The following METTL9 variants were observed in gnomAD, a reference collection of about 807,000 sequenced individuals.
METTL9 encodes methyltransferase 9, His-X-His N1(pi)-histidine.
METTL9 carries 10 observed loss-of-function variants against 36.0 expected under a neutral mutation model. The ratio of observed to expected loss-of-function variants is 0.28; its 90% confidence interval spans 0.17 to 0.47. The LOEUF (loss-of-function observed/expected upper bound fraction) is 0.47. METTL9 is among the 20% of genes least tolerant of loss of function. METTL9 has a pLI of 0.99. For synonymous variants in METTL9, 175 were observed against 149.7 expected (o/e 1.17, Z -1.23); for missense variants, 246 against 383.5 (o/e 0.64, Z 3.00).
rs1265362968 is a variant in METTL9 at position 21,644,266 on chromosome 16, T to G, written c.752-10961T>G. ...ATAATATTCAAGGATATAGGGACAT[T>G]CCATGCAAGAGGATTTGACTTACTT... On this transcript the variant is annotated intron_variant, in intron 4 of 4. Coordinates refer to ENST00000358154, the MANE Select transcript of METTL9 (RefSeq NM_016025.5). The G allele has an allele frequency of 2.7e-6, 4 of 1,470,076 alleles. No individual in the cohort carries two copies. In the East Asian group the frequency reaches 9.0e-5, roughly 33 times the overall value. The allele number at this position is 1,470,076 out of a possible 1,614,324, so 91.1% of individuals were successfully genotyped here. A position where few individuals can be genotyped will look rare whatever the true frequency, so the allele number is the denominator to read the frequency against.
rs557253839 is a variant in METTL9, at chr16:21,628,456, AAC to A, written c.751+3344_751+3345del. ...TTTGCTTAGTAATGTTTAAAAACAAAACACCCTCCCCTGTCCTCCCCCACTTT... is the reference window on the plus strand; with the variant it reads ...TTTGCTTAGTAATGTTTAAAAACAAAACCCTCCCCTGTCCTCCCCCACTTT... On this transcript the variant is annotated intron_variant, in intron 4 of 4. Coordinates refer to ENST00000358154, the MANE Select transcript of METTL9 (RefSeq NM_016025.5). Among the ~76,000 whole-genome samples, 566 of 152,264 alleles carry A rather than the reference AAC, an allele frequency of 3.7e-3. 8 individuals carry two copies. Among genetic ancestry groups the A allele is most frequent in the African/African-American group, 0.013 (532 of 41,552 alleles).
intron 4 of METTL9, among the ~76,000 whole-genome samples, chr16:21,649,269 AG>A (rs1966508680): frequency 6.6e-6 from 1 of 152,210 alleles, no homozygotes. Flanking sequence ...CTGGGATTAC[AG>A]GTGTGAGCCA....
intron 4 of METTL9, among the ~76,000 whole-genome samples, chr16:21,650,951 T>C (rs1966556730): frequency 6.6e-6 from 1 of 152,168 alleles, no homozygotes; most frequent in African/African-American, 2.4e-5. Flanking sequence ...AGGCTGGGCA[T>C]GGTGGCTCAT....
chr16:21,603,448 A>G (rs1035702558), intron 1 of METTL9, among the ~76,000 whole-genome samples: 5 of 152,180 alleles, frequency 3.3e-5, no homozygotes, highest in Admixed American at 3.3e-4. Flanking sequence ...CTCCAACAGC[A>G]TATTCTTAAT....
chr16:21,624,472 A>T (rs1965775609), intron 3 of METTL9, among the ~76,000 whole-genome samples: 1 of 152,164 alleles, frequency 6.6e-6, no homozygotes, highest in African/African-American at 2.4e-5. Flanking sequence ...CACACCTGTA[A>T]TCCCAGCACT....
rs75137910 is a variant in METTL9 at position 21,612,391 on chromosome 16, C to G, written c.166-254C>G. ...TAAGCTGAATGACCCAAAAGCCTCT[C>G]CACCCTTCCCTCACCCACTCTACCT... On this transcript the variant is annotated intron_variant, in intron 1 of 4. Coordinates refer to ENST00000358154, the MANE Select transcript of METTL9 (RefSeq NM_016025.5). 9.0e-3 allele frequency: 2,860 copies of G among 318,910 alleles called. 107 individuals are homozygous for G. Among genetic ancestry groups the G allele is most frequent in the East Asian group, 0.067 (1,285 of 19,096 alleles). The allele number at this position is 318,910 out of a possible 1,614,324, so 19.8% of individuals were successfully genotyped here. A position where few individuals can be genotyped will look rare whatever the true frequency, so the allele number is the denominator to read the frequency against.
chr16:21,625,252 T>C (rs1161595619), intron 4 of METTL9, 137 bp downstream of exon 4: 83 of 924,402 alleles, frequency 9.0e-5, no homozygotes, highest in Non-Finnish European at 1.4e-4. Flanking sequence ...AGTTAATCCA[T>C]GTAAAACACC....
intron 4 of METTL9, among the ~76,000 whole-genome samples, chr16:21,635,987 G>A (rs545301027): frequency 6.6e-6 from 1 of 152,210 alleles, no homozygotes; most frequent in East Asian, 1.9e-4. Context: ...AGACCACAAA[G>A]ACTGAGAAAA....
At chr16:21,629,048 C>A (rs938653461) in intron 4 of METTL9, among the ~76,000 whole-genome samples, 1 of 151,844 alleles carries the variant, frequency 6.6e-6, no homozygotes, top group South Asian at 2.1e-4. Flanking sequence ...TGTGTGCCAC[C>A]ACACCCGGCT....
At chr16:21,634,187 G>T (rs184257693) in intron 4 of METTL9, among the ~76,000 whole-genome samples, 3 of 152,296 alleles carry the variant, frequency 2.0e-5, no homozygotes, top group Non-Finnish European at 4.4e-5. Flanking sequence ...CTGGACAGGA[G>T]ATTAACACTG....
At chr16:21,644,544 G>C in intron 4 of METTL9, 1 of 585,144 alleles carries the variant, frequency 1.7e-6, no homozygotes, top group Non-Finnish European at 3.0e-6. Context: ...ACCTCAAAAG[G>C]TACTCAAGTA....
chr16:21,650,984 G>A (rs1966558097), intron 4 of METTL9, among the ~76,000 whole-genome samples: 1 of 152,226 alleles, frequency 6.6e-6, no homozygotes, highest in Non-Finnish European at 1.5e-5. Context: ...AGCATTATGG[G>A]AGGCCGAGGC....
intron 4 of METTL9, chr16:21,647,483 C>T: frequency 6.2e-7 from 1 of 1,609,488 alleles, no homozygotes; most frequent in Non-Finnish European, 8.5e-7. Flanking sequence ...AGTACAGGCG[C>T]CCACAGCACC....
chr16:21,626,929 G>A (rs1965828528), intron 4 of METTL9: 7 of 982,892 alleles, frequency 7.1e-6, no homozygotes, highest in Non-Finnish European at 8.5e-6. Context: ...TTGTGTTTCT[G>A]ATGCTAAAAA....
At chr16:21,633,178 G>A (rs1467042879) in intron 4 of METTL9, among the ~76,000 whole-genome samples, 4 of 152,206 alleles carry the variant, frequency 2.6e-5, no homozygotes, top group East Asian at 3.9e-4. Flanking sequence ...GTTCCTTGCT[G>A]AGGGCCCTCA....
intron 4 of METTL9, among the ~76,000 whole-genome samples, chr16:21,626,561 A>T (rs1050557225): frequency 6.6e-6 from 1 of 152,182 alleles, no homozygotes; most frequent in African/African-American, 2.4e-5. Context: ...AGCAGAGAGA[A>T]CAGATCTCCC....
At chr16:21,598,740 AGTTCACTCTTAAG>A (rs1965012607), upstream of METTL9, among the ~76,000 whole-genome samples, 26 of 152,182 alleles carry the variant, frequency 1.7e-4, no homozygotes, top group Admixed American at 1.7e-3. Flanking sequence ...CCCAGAGCTG[AGTTCACTCTTAAG>A]AGTGTTGGGT....
At chr16:21,610,604 C>G (rs975767511) in intron 1 of METTL9, among the ~76,000 whole-genome samples, 1 of 152,164 alleles carries the variant, frequency 6.6e-6, no homozygotes, top group Non-Finnish European at 1.5e-5. Flanking sequence ...TTCAACCACA[C>G]GTGTTAATGT....
chr16:21,610,390 A>T (rs1965399547), intron 1 of METTL9, among the ~76,000 whole-genome samples: 1 of 152,230 alleles, frequency 6.6e-6, no homozygotes, highest in African/African-American at 2.4e-5. Context: ...CATCTTGCTT[A>T]TCCACCATTT....
Sources: allele counts gnomAD v4.1 joint callset (sites outside exome capture counted in the v4.1 genomes callset), GRCh38; gene constraint gnomAD v4.1.1; transcripts MANE v1.5; gene names NCBI Gene and HGNC (gene_info 2026-07-23, HGNC 2026-07-21).